The following ZSCAN5A variants were observed in gnomAD, a reference collection of about 807,000 sequenced individuals.
ZSCAN5A encodes the protein zinc finger and SCAN domain-containing protein 5A.
In ZSCAN5A, 12 loss-of-function variants were observed where a neutral mutation model predicts 23.7. The ratio of observed to expected loss-of-function variants is 0.51; its 90% CI spans 0.32 to 0.82. The LOEUF (loss-of-function observed/expected upper bound fraction) is 0.82, where lower values mean the gene tolerates loss of function less well. Among genes scored for constraint, ZSCAN5A ranks in the 40% least tolerant of loss-of-function variants. ZSCAN5A has a pLI of 0.03. For synonymous variants in ZSCAN5A, 257 were observed against 239.9 expected (o/e 1.07, Z -0.66); for missense variants, 597 against 617.9 (o/e 0.97, Z 0.36).
chr19:56,252,934 G>C (rs2036449884), intron 2 of ZSCAN5A, among the ~76,000 whole-genome samples: 1 of 152,252 alleles, frequency 6.6e-6, no homozygotes, highest in South Asian at 2.1e-4. Flanking sequence ...ACAGGAGCAA[G>C]AAGAAAGACA....
At chr19:56,265,398 A>G (rs2037404624) in intron 2 of ZSCAN5A, among the ~76,000 whole-genome samples, 2 of 149,840 alleles carry the variant, frequency 1.3e-5, no homozygotes, top group African/African-American at 4.9e-5. Flanking sequence ...TAAAGCTGTA[A>G]GCAAGCAGTA....
rs2041672563 is a variant in ZSCAN5A at position 56,352,309 on chromosome 19, A to C, written c.-358+10926T>G. 6.6e-6 allele frequency among the ~76,000 whole-genome samples: 1 copy of C among 152,200 alleles called. No homozygotes were observed. Among genetic ancestry groups the C allele is most frequent in the Admixed American group, 6.5e-5 (1 of 15,278 alleles). ...AGAGACGGATTAAACCAGACAATTA[A>C]ACATAATGCAAATGAATGTGATTAC... On this transcript the variant is annotated intron_variant, in intron 2 of 6. Transcript: ENST00000587340. This position sits in a 1 kb window ranked among gnomAD's most constrained non-coding sequence, Gnocchi z 4.2.
chr19:56,285,376 T>G (rs1341750359), intron 2 of ZSCAN5A, among the ~76,000 whole-genome samples: 1 of 152,218 alleles, frequency 6.6e-6, no homozygotes, highest in Non-Finnish European at 1.5e-5. Flanking sequence ...CTCACGTGTA[T>G]TCTCCCCAGA....
At chr19:56,319,127 G>A (rs1315447807), upstream of ZSCAN5A, among the ~76,000 whole-genome samples, 3 of 152,020 alleles carry the variant, frequency 2.0e-5, no homozygotes, top group South Asian at 2.1e-4. Flanking sequence ...TTCTTGGAAC[G>A]AATTTCAAAG....
chr19:56,326,980 C>T (rs1271726976), intron 2 of ZSCAN5A, among the ~76,000 whole-genome samples: 1 of 152,104 alleles, frequency 6.6e-6, no homozygotes, highest in Non-Finnish European at 1.5e-5. Context: ...GACCCACCTA[C>T]AATGCCCTTC....
At chr19:56,301,510 C>T (rs553661907) in intron 2 of ZSCAN5A, among the ~76,000 whole-genome samples, 1 of 152,288 alleles carries the variant, frequency 6.6e-6, no homozygotes, top group East Asian at 1.9e-4. Flanking sequence ...TTGGCAGCTT[C>T]TTTACCGCAA....
At chr19:56,308,809 T>G (rs2040861159) in intron 2 of ZSCAN5A, among the ~76,000 whole-genome samples, 1 of 152,214 alleles carries the variant, frequency 6.6e-6, no homozygotes, top group African/African-American at 2.4e-5. Context: ...CTGGGGAGGA[T>G]GCTGAAGGAA....
chr19:56,226,411 C>T (rs1466989170), intron 2 of ZSCAN5A, among the ~76,000 whole-genome samples: 31 of 152,176 alleles, frequency 2.0e-4, no homozygotes, highest in Non-Finnish European at 4.4e-4. Context: ...GGGCTTAAGG[C>T]GCCTGTGTGG....
At chr19:56,360,792 G>C (rs1406894887) in intron 2 of ZSCAN5A, among the ~76,000 whole-genome samples, 1 of 152,116 alleles carries the variant, frequency 6.6e-6, no homozygotes, top group Non-Finnish European at 1.5e-5. Flanking sequence ...AAGATTTTAT[G>C]ATGAAATCTC....
Position 56,351,712 on chromosome 19 carries a change from C to A in ZSCAN5A, c.-358+11523G>T, listed in dbSNP as rs1420262726. On this transcript the variant is annotated intron_variant, in intron 2 of 6. Coordinates refer to the ZSCAN5A transcript ENST00000587340. The surrounding 1 kb of genome is among the most constrained non-coding windows in gnomAD (Gnocchi z 4.8). ...CCTGGTAATCGTCCAGTCATCGGAGCTGTATCAAAATGAACTTGGGCTGCT... is the reference window on the plus strand; with the variant it reads ...CCTGGTAATCGTCCAGTCATCGGAGATGTATCAAAATGAACTTGGGCTGCT... 2.0e-5 allele frequency among the ~76,000 whole-genome samples: 3 copies of A among 152,154 alleles called. No individual in the cohort carries two copies. The highest frequency in any genetic ancestry group is 4.4e-5 in the Non-Finnish European group (3 of 68,024).
At chr19:56,262,814 A>G (rs1178931440) in intron 2 of ZSCAN5A, among the ~76,000 whole-genome samples, 1 of 152,204 alleles carries the variant, frequency 6.6e-6, no homozygotes, top group Non-Finnish European at 1.5e-5. Context: ...ATTGCTGTGC[A>G]ATATTCCATT....
intron 2 of ZSCAN5A, among the ~76,000 whole-genome samples, chr19:56,362,848 G>A: frequency 6.6e-6 from 1 of 150,580 alleles, no homozygotes; most frequent in Non-Finnish European, 1.5e-5. Flanking sequence ...TCCAGCCTGG[G>A]CGACAGAGTG....
intron 2 of ZSCAN5A, among the ~76,000 whole-genome samples, chr19:56,255,039 A>C (rs1193177826): frequency 1.3e-5 from 2 of 151,822 alleles, no homozygotes; most frequent in Non-Finnish European, 2.9e-5. Flanking sequence ...TGAGTTTTAA[A>C]ATATATATTT....
At chr19:56,264,413 G>T (rs2037329247) in intron 2 of ZSCAN5A, among the ~76,000 whole-genome samples, 1 of 152,198 alleles carries the variant, frequency 6.6e-6, no homozygotes, top group Non-Finnish European at 1.5e-5. Context: ...GTTTGTTCAG[G>T]TCTTCCTATT....
chr19:56,304,267 G>C (rs1448780071), intron 2 of ZSCAN5A, among the ~76,000 whole-genome samples: 1 of 152,228 alleles, frequency 6.6e-6, no homozygotes, highest in Non-Finnish European at 1.5e-5. Context: ...TGGGTGTGAG[G>C]AATAAGGAAA....
At chr19:56,305,693 AG>A (rs1321571957) in intron 2 of ZSCAN5A, among the ~76,000 whole-genome samples, 4 of 152,234 alleles carry the variant, frequency 2.6e-5, no homozygotes, top group Non-Finnish European at 5.9e-5. Context: ...TGAGCTCACA[AG>A]AAAACAATTA....
intron 2 of ZSCAN5A, among the ~76,000 whole-genome samples, chr19:56,355,194 C>T (rs111281083): frequency 0.05 from 6,668 of 133,202 alleles, 661 homozygotes; most frequent in Middle Eastern, 0.12. Flanking sequence ...CCACATGAAG[C>T]CTCTAGCATT....
chr19:56,285,846 T>A (rs1288309852), intron 2 of ZSCAN5A, among the ~76,000 whole-genome samples: 1 of 152,176 alleles, frequency 6.6e-6, no homozygotes, highest in Non-Finnish European at 1.5e-5. Context: ...TATCCAGTCA[T>A]TGCTTTTTTA....
chr19:56,262,174 T>C (rs557948635), intron 2 of ZSCAN5A, among the ~76,000 whole-genome samples: 159 of 152,032 alleles, frequency 1.0e-3, no homozygotes, highest in African/African-American at 3.6e-3. Context: ...CCTGCCACCA[T>C]GATCGGCTAA....
Sources: allele counts gnomAD v4.1 joint callset (sites outside exome capture counted in the v4.1 genomes callset), GRCh38; gene constraint gnomAD v4.1.1; non-coding constraint Gnocchi (gnomAD v3.1); transcripts MANE v1.5; gene names NCBI Gene and HGNC (gene_info 2026-07-23, HGNC 2026-07-21).